The following MAP7D1 variants were observed in gnomAD, a reference collection of about 807,000 sequenced individuals.
The protein encoded by MAP7D1 is MAP7 domain-containing protein 1.
MAP7D1 carries 30 observed loss-of-function variants against 97.5 expected under a neutral mutation model. The observed-to-expected ratio is 0.31, with a 90% confidence interval of 0.23 to 0.42. The LOEUF (loss-of-function observed/expected upper bound fraction) is 0.42. Ranked by LOEUF, MAP7D1 falls within the 10% of genes least tolerant of loss-of-function variation. MAP7D1 has a pLI of 1.00. For missense variants in MAP7D1, 1,184 were observed against 1,179.5 expected (o/e 1.00, Z -0.06); for synonymous variants, 536 against 477.1 (o/e 1.12, Z -1.61).
intron 1 of MAP7D1, among the ~76,000 whole-genome samples, chr1:36,161,030 G>A (rs977108292): frequency 6.6e-6 from 1 of 152,236 alleles, no homozygotes; most frequent in Non-Finnish European, 1.5e-5. Flanking sequence ...TGCGGGATGG[G>A]GTCATTTCCT....
At position 36,178,700 on chromosome 1, in the gene MAP7D1, G is replaced by A. The variant is rs1426998847; in HGVS notation, c.1902G>A (p.Glu634=). The change falls in exon 11 of 17, where the codon GAG becomes GAA. Residue 634 remains glutamate, a synonymous_variant. Coordinates refer to ENST00000474796, the MANE Select transcript of MAP7D1 (RefSeq NM_001388490.1). The part of the protein sequence containing the change: ...QAERDKRMRE[E]QLAREAEARA... ...CGTCCCCCAGGCGAATGCGAGAGGA[G>A]CAGCTGGCACGGGAGGCCGAGGCCC... 31 of 1,533,192 alleles carry A rather than the reference G, an allele frequency of 2.0e-5. No individual in the cohort carries two copies. The highest frequency in any genetic ancestry group is 2.7e-5 in the Non-Finnish European group (31 of 1,140,430). 95.0% of individuals were successfully genotyped at this position (1,533,192 alleles called of 1,614,324 possible).
At chr1:36,157,362 CCT>C (rs945500855) in intron 1 of MAP7D1, 5 of 152,570 alleles carry the variant, frequency 3.3e-5, no homozygotes, top group African/African-American at 1.2e-4. Flanking sequence ...ATACCTCCCC[CCT>C]TACTCTCTTT....
chr1:36,178,275 C>T lies in MAP7D1; in HGVS notation c.1708+74C>T, dbSNP rs539957907. 6.6e-5 allele frequency: 98 copies of T among 1,480,102 alleles called. No homozygotes were observed. In the African/African-American group the frequency reaches 1.2e-3, roughly 19 times the overall value. The allele number at this position is 1,480,102 out of a possible 1,614,324, so 91.7% of individuals were successfully genotyped here. A position where few individuals can be genotyped will look rare whatever the true frequency, so the allele number is the denominator to read the frequency against. On this transcript the variant is annotated intron_variant, in intron 9 of 16. Coordinates refer to ENST00000474796, the MANE Select transcript of MAP7D1 (RefSeq NM_001388490.1). ...TCTCCTGTGTGGGGGTGTGGGCCGC[C>T]AGAGATGCCTGAGGACTGGGAGTGG... is the stretch of plus-strand genomic sequence containing the variant.
intron 1 of MAP7D1, among the ~76,000 whole-genome samples, chr1:36,167,833 G>T (rs943127520): frequency 1.3e-5 from 2 of 152,192 alleles, no homozygotes; most frequent in Non-Finnish European, 2.9e-5. Flanking sequence ...TGTCTTGCCT[G>T]GTGGGTGTGA....
rs1009419321 is a variant in MAP7D1 at position 36,176,072 on chromosome 1, G to C, written c.851-127G>C. 6.0e-6 allele frequency: 6 copies of C among 1,008,098 alleles called. No individual in the cohort carries two copies. The African/African-American group carries it at 6.7e-5, about 11-fold the overall frequency. The allele number at this position is 1,008,098 out of a possible 1,614,324, so 62.4% of individuals were successfully genotyped here. On this transcript the variant is annotated intron_variant, in intron 6 of 16. Transcript: ENST00000474796. The surrounding 1 kb of genome is among the most constrained non-coding windows in gnomAD (Gnocchi z 6.1). ...ACAAGTGTGGCCCCGGTGTGATTGTGGGGAGAGGACTCCCGGGTGAGAAGC... is the reference window on the plus strand; with the variant it reads ...ACAAGTGTGGCCCCGGTGTGATTGTCGGGAGAGGACTCCCGGGTGAGAAGC...
intron 8 of MAP7D1, chr1:36,177,594 G>C: frequency 1.4e-6 from 1 of 691,482 alleles, no homozygotes; most frequent in South Asian, 1.5e-5. Context: ...AGGGTGCTGA[G>C]GACACGTTGC....
chr1:36,156,400 C>CGCCG lies in MAP7D1; in HGVS notation c.-18_-17insGCCG. On this transcript the variant is annotated 5_prime_UTR_variant, in exon 1 of 17. Coordinates refer to ENST00000474796, the MANE Select transcript of MAP7D1 (RefSeq NM_001388490.1). ...CCGCCGCCGCTGAGACCCCGAGACC[C>CGCCG]CCAGTGACGCCGCAGCCATGGAGAG... 1 of 1,486,574 alleles carries CGCCG rather than the reference C, an allele frequency of 6.7e-7. No homozygotes were observed. The highest frequency in any genetic ancestry group is 8.9e-7 in the Non-Finnish European group (1 of 1,125,956). 92.1% of individuals were successfully genotyped at this position (1,486,574 alleles called of 1,614,324 possible).
rs1644536735 is a variant in MAP7D1 at position 36,171,122 on chromosome 1, G to A, written c.198G>A (p.Leu66=). 4 of 1,613,020 alleles carry A rather than the reference G, an allele frequency of 2.5e-6. No homozygotes were observed. Among genetic ancestry groups the A allele is most frequent in the Admixed American group, 3.3e-5 (2 of 59,860 alleles). The part of the protein sequence containing the change: ...KNATSSKQLP[L]EPESPSGQVG... ...CCACTAGCTCTAAGCAGCTCCCACT[G>A]GAACCAGAGAGCCCCTCAGGGCAGG... is the stretch of plus-strand genomic sequence containing the variant. Residue 66 remains leucine, a synonymous_variant, in exon 2 of 17, where the codon CTG becomes CTA. Transcript: ENST00000474796.
intron 5 of MAP7D1, 34 bp from the exon 6 acceptor site, chr1:36,174,863 GC>G (rs776024848): frequency 7.2e-6 from 10 of 1,380,442 alleles, no homozygotes; most frequent in South Asian, 2.3e-5. Flanking sequence ...CTCCTGCCGG[GC>G]CCGGCCCTAA....
chr1:36,166,378 C>T (rs979349719), intron 1 of MAP7D1, among the ~76,000 whole-genome samples: 1 of 149,584 alleles, frequency 6.7e-6, no homozygotes, highest in African/African-American at 2.5e-5. Context: ...AGAGGAGTGA[C>T]GTGATCTGAC....
Position 36,178,607 on chromosome 1 carries a change from C to T in MAP7D1, c.1886+11C>T. ...GGCAGAAAGGGACAAGTGAGTGCGC[C>T]TCGGGGACTGAGGGGGCCCTCGTGG... On this transcript the variant is annotated intron_variant, in intron 10 of 16. Coordinates refer to ENST00000474796, the MANE Select transcript of MAP7D1 (RefSeq NM_001388490.1). 4.5e-6 allele frequency: 7 copies of T among 1,567,762 alleles called. No homozygotes were observed. Among genetic ancestry groups the T allele is most frequent in the Non-Finnish European group, 6.0e-6 (7 of 1,159,668 alleles).
chr1:36,169,643 C>T (rs1292698729), intron 1 of MAP7D1, among the ~76,000 whole-genome samples: 1 of 152,160 alleles, frequency 6.6e-6, no homozygotes, highest in African/African-American at 2.4e-5. Context: ...TAGCTGTGTT[C>T]CCATTGATCT....
In MAP7D1 at chr1:36,179,550, C is replaced by T; in HGVS notation, c.2220C>T (p.Ser740=). 1 of 1,570,762 alleles carries T rather than the reference C, an allele frequency of 6.4e-7. No individual in the cohort carries two copies. The highest frequency in any genetic ancestry group is 8.6e-7 in the Non-Finnish European group (1 of 1,156,836). ...QDSKEANANG[S]SPEPVKAVEA... ...GCAAGGAGGCCAACGCCAACGGTTCCAGCCCAGGTAAAGCCCCCATTCCTC... is the reference window on the plus strand; with the variant it reads ...GCAAGGAGGCCAACGCCAACGGTTCTAGCCCAGGTAAAGCCCCCATTCCTC... The change falls in exon 14 of 17, where the codon TCC becomes TCT. Residue 740 remains serine (S), a synonymous_variant. Coordinates refer to ENST00000474796, the MANE Select transcript of MAP7D1 (RefSeq NM_001388490.1).
intron 9 of MAP7D1, 95 bp from the exon 10 acceptor site, chr1:36,178,324 C>T (rs1644660888): frequency 6.8e-7 from 1 of 1,480,932 alleles, no homozygotes; most frequent in African/African-American, 1.4e-5. Context: ...GAGACTCCTG[C>T]CCTCAGCAGT....
At position 36,156,161 on chromosome 1, in the gene MAP7D1, T is replaced by C. The variant is rs2124188102; in HGVS notation, c.-257T>C. On this transcript the variant is annotated 5_prime_UTR_variant, in exon 1 of 17. Coordinates refer to ENST00000474796, the MANE Select transcript of MAP7D1 (RefSeq NM_001388490.1). ...GCCCAGCCCGGGCGGTACAATAGGGTTGGGCCGAGGCCGGGACTGGGCCGG... is the reference window on the plus strand; with the variant it reads ...GCCCAGCCCGGGCGGTACAATAGGGCTGGGCCGAGGCCGGGACTGGGCCGG... 3 of 406,762 alleles carry C rather than the reference T, an allele frequency of 7.4e-6. No homozygotes were observed. The highest frequency in any genetic ancestry group is 1.3e-5 in the Non-Finnish European group (3 of 231,814). The allele number at this position is 406,762 out of a possible 1,614,324, so 25.2% of individuals were successfully genotyped here. A position where few individuals can be genotyped will look rare whatever the true frequency, so the allele number is the denominator to read the frequency against.
At chr1:36,170,859 C>A (rs575096333) in intron 1 of MAP7D1, 112 bp from the exon 2 acceptor site, 232 of 656,324 alleles carry the variant, frequency 3.5e-4, no homozygotes, top group Non-Finnish European at 5.5e-4. Context: ...ATAGAAATAA[C>A]TCAAACATAA....
chr1:36,169,429 G>A (rs1184900720), intron 1 of MAP7D1, among the ~76,000 whole-genome samples: 2 of 152,008 alleles, frequency 1.3e-5, no homozygotes, highest in South Asian at 2.1e-4. Flanking sequence ...GGTGGCGGGC[G>A]CCTGTAGTCC....
Position 36,176,199 on chromosome 1 carries a change from A to C in MAP7D1, c.851A>C (p.Asn284Thr), listed in dbSNP as rs565299397. The C allele has an allele frequency of 1.2e-6, 2 of 1,606,224 alleles. No homozygotes were observed. Among genetic ancestry groups the C allele is most frequent in the South Asian group, 2.2e-5 (2 of 90,936 alleles). The change falls in exon 7 of 17, where the codon AAT becomes ACT. Residue 284 changes from asparagine to threonine, a missense_variant and splice_region_variant. Transcript: ENST00000474796. This position sits in a 1 kb window ranked among gnomAD's most constrained non-coding sequence, Gnocchi z 6.1. Reference protein sequence around the residue: ...SATLWNSPSRNRSLQLSAWES... With the variant: ...SATLWNSPSRTRSLQLSAWES... ...GCTTCGCCTGGCCTTCTACCCCCAG[A>C]TCGCAGCCTGCAGCTGAGCGCATGG...
intron 3 of MAP7D1, chr1:36,172,124 T>G: frequency 4.9e-6 from 1 of 202,814 alleles, no homozygotes; most frequent in South Asian, 1.4e-4. Context: ...CCCAGAAGCC[T>G]CCTGCCACCC....
Sources: gnomAD v4.1 joint callset for allele counts (sites outside exome capture counted in the v4.1 genomes callset) on GRCh38, gnomAD v4.1.1 for gene constraint, Gnocchi (gnomAD v3.1) non-coding constraint, MANE v1.5 for transcripts, NCBI Gene and HGNC (gene_info 2026-07-23, HGNC 2026-07-21) for gene names.